The following IFT57 variants were observed in gnomAD, a reference collection of about 807,000 sequenced individuals.
IFT57 encodes the protein intraflagellar transport protein 57 homolog.
IFT57 carries 59 observed loss-of-function variants against 56.8 expected under a neutral mutation model. That is an observed-to-expected ratio of 1.04 (90% CI 0.84 to 1.29). The LOEUF (loss-of-function observed/expected upper bound fraction) is 1.29. Among genes scored for constraint, IFT57 ranks in the 50% most tolerant of loss-of-function variants. The probability of loss-of-function intolerance (pLI) is 0.00; values close to 1 mark genes in which losing one functional copy is unlikely to be tolerated. For missense variants in IFT57, 470 were observed against 522.1 expected (o/e 0.90, Z 0.97); for synonymous variants, 209 against 186.1 (o/e 1.12, Z -1.00).
At chr3:108,176,615 G>A (rs941249906) in intron 6 of IFT57, among the ~76,000 whole-genome samples, 1 of 151,814 alleles carries the variant, frequency 6.6e-6, no homozygotes, top group Non-Finnish European at 1.5e-5. Context: ...TCTGCAGACA[G>A]ACAATCCAGA....
Position 108,162,443 on chromosome 3 carries a change from C to G in IFT57, c.*34G>C, listed in dbSNP as rs762267856. 6.6e-7 allele frequency: 1 copy of G among 1,526,378 alleles called. No individual in the cohort carries two copies. The allele number at this position is 1,526,378 out of a possible 1,614,324, so 94.6% of individuals were successfully genotyped here. On this transcript the variant is annotated 3_prime_UTR_variant, in exon 11 of 11. Coordinates refer to ENST00000264538, the MANE Select transcript of IFT57 (RefSeq NM_018010.4). ...ATGAAATATAGTTTGATATAAAAAA[C>G]CCAACTAATCAGAAACATGAAAACC...
chr3:108,203,442 C>T (rs1424187748), intron 5 of IFT57, among the ~76,000 whole-genome samples: 1 of 152,176 alleles, frequency 6.6e-6, no homozygotes, highest in East Asian at 1.9e-4. Context: ...TTGGGATTAT[C>T]ATGATACTTA....
At chr3:108,195,713 C>T (rs2080240499) in intron 5 of IFT57, among the ~76,000 whole-genome samples, 1 of 151,982 alleles carries the variant, frequency 6.6e-6, no homozygotes, top group Non-Finnish European at 1.5e-5. Flanking sequence ...TGAAATATGC[C>T]AGGAACAGTA....
At chr3:108,211,095 C>A (rs1284995179) in intron 4 of IFT57, among the ~76,000 whole-genome samples, 1 of 152,192 alleles carries the variant, frequency 6.6e-6, no homozygotes, top group East Asian at 1.9e-4. Flanking sequence ...AGGCCCTGCA[C>A]AATAAGCTGG....
intron 4 of IFT57, among the ~76,000 whole-genome samples, chr3:108,209,252 TTAAG>T (rs2080330258): frequency 6.6e-6 from 1 of 152,234 alleles, no homozygotes; most frequent in Non-Finnish European, 1.5e-5. Context: ...ATCACAGTAT[TTAAG>T]TATTATTACT....
intron 4 of IFT57, among the ~76,000 whole-genome samples, chr3:108,213,634 C>T (rs1443305301): frequency 6.6e-6 from 1 of 152,156 alleles, no homozygotes; most frequent in African/African-American, 2.4e-5. Flanking sequence ...TTATTAGTCA[C>T]AGTCTATTTA....
At position 108,166,968 on chromosome 3, in the gene IFT57, G is replaced by C; in HGVS notation, c.867C>G (p.Leu289=). 1 of 1,607,116 alleles carries C rather than the reference G, an allele frequency of 6.2e-7. No homozygotes were observed. The highest frequency in any genetic ancestry group is 8.5e-7 in the Non-Finnish European group (1 of 1,176,652). ...LKETKGFLDK[L]HNEITRTLEK... is the part of the protein sequence containing the mutation. ...CCAAAGTCCTAGTAATTTCATTATGGAGTTTGTCCAAAAATCCCTAGAAAT... is the reference window on the plus strand; with the variant it reads ...CCAAAGTCCTAGTAATTTCATTATGCAGTTTGTCCAAAAATCCCTAGAAAT... The change falls in exon 8 of 11, where the codon CTC becomes CTG. Residue 289 remains leucine, a synonymous_variant. Coordinates refer to ENST00000264538, the MANE Select transcript of IFT57 (RefSeq NM_018010.4).
At chr3:108,193,396 G>A (rs1184563192) in intron 5 of IFT57, among the ~76,000 whole-genome samples, 1 of 152,084 alleles carries the variant, frequency 6.6e-6, no homozygotes, top group Non-Finnish European at 1.5e-5. Flanking sequence ...TCAGATTCAA[G>A]GGACTATATA....
rs749655691 is a variant in IFT57, at chr3:108,222,134, C to A, written c.189G>T (p.Lys63Asn). The A allele has an allele frequency of 3.1e-6, 5 of 1,610,156 alleles. No individual in the cohort carries two copies. The highest frequency in any genetic ancestry group is 4.2e-6 in the Non-Finnish European group (5 of 1,178,390). The stretch of plus-strand genomic sequence containing the variant: ...ACCTGGACGGGGCCTTCAGGTTGCT[C>A]TTCCGGAGGAACTCCTCCTCGTAGC... Reference protein sequence around the residue: ...LLRYEEEFLRKSNLKAPSRHY... With the variant: ...LLRYEEEFLRNSNLKAPSRHY... The change falls in exon 1 of 11, where the codon AAG becomes AAT. Residue 63 changes from lysine (K) to asparagine (N), a missense_variant. By Grantham distance (94) the Lys-to-Asn change is moderately conservative (BLOSUM62 0). Coordinates refer to ENST00000264538, the MANE Select transcript of IFT57 (RefSeq NM_018010.4).
chr3:108,206,649 TA>T lies in IFT57; in HGVS notation c.632del (p.Leu211Ter), dbSNP rs778868944. 4.3e-6 allele frequency: 6 copies of T among 1,399,728 alleles called. No homozygotes were observed. The highest frequency in any genetic ancestry group is 1.9e-5 in the South Asian group (1 of 51,540). 86.7% of individuals were successfully genotyped at this position (1,399,728 alleles called of 1,614,324 possible). Reference protein sequence around the residue: ...NEENFIDLNVLKAQTYHLDMN... With the variant: ...NEENFIDLNVXKAQTYHLDMN... ...TTACCAAGTGATATGTCTGGGCCTT[TA>T]AAACGTTGAGATCAATAAAGTTTTC... On this transcript the variant is annotated frameshift_variant, in exon 5 of 11. Coordinates refer to ENST00000264538, the MANE Select transcript of IFT57 (RefSeq NM_018010.4). LOFTEE classifies it high-confidence loss of function.
intron 6 of IFT57, among the ~76,000 whole-genome samples, chr3:108,176,935 TAAAATGTCTACTAAGATGAGG>T (rs1222158145): frequency 2.0e-5 from 3 of 151,818 alleles, no homozygotes. Context: ...ATAATTCCCT[TAAAATGTCTACTAAGATGAGG>T]AAATGGACAC....
chr3:108,207,321 G>A (rs1385530446), intron 4 of IFT57, among the ~76,000 whole-genome samples: 4 of 152,180 alleles, frequency 2.6e-5, no homozygotes, highest in South Asian at 2.1e-4. Flanking sequence ...GGTAGAAAGT[G>A]ACCCTTTGAG....
At chr3:108,203,024 T>C (rs1049968122) in intron 5 of IFT57, among the ~76,000 whole-genome samples, 1 of 152,212 alleles carries the variant, frequency 6.6e-6, no homozygotes, top group Non-Finnish European at 1.5e-5. Flanking sequence ...ATTAGGAAGA[T>C]GGGTCACCAG....
intron 5 of IFT57, among the ~76,000 whole-genome samples, chr3:108,192,592 A>G (rs1284564855): frequency 1.3e-5 from 2 of 152,222 alleles, no homozygotes; most frequent in East Asian, 1.9e-4. Context: ...TTTTGGTACC[A>G]ATTCTTCCCT....
At chr3:108,204,068 T>C (rs1437643129) in intron 5 of IFT57, among the ~76,000 whole-genome samples, 1 of 152,226 alleles carries the variant, frequency 6.6e-6, no homozygotes, top group South Asian at 2.1e-4. Flanking sequence ...AAATCTATGA[T>C]ACTAACCTAT....
intron 6 of IFT57, among the ~76,000 whole-genome samples, chr3:108,181,945 A>G (rs1288702531): frequency 1.3e-5 from 2 of 152,032 alleles, no homozygotes; most frequent in Admixed American, 1.3e-4. Context: ...TTATAACTGT[A>G]GTTTCTCCAT....
chr3:108,168,866 T>C lies in IFT57; in HGVS notation c.778-1002A>G, dbSNP rs115702720. ...TGCATGGTATTCCACAGTGTATATG[T>C]GCCATACTTTCTTTATTCAGTCTAT... On this transcript the variant is annotated intron_variant, in intron 6 of 10. Transcript: ENST00000264538. 7.6e-3 allele frequency among the ~76,000 whole-genome samples: 1,155 copies of C among 152,194 alleles called. 17 individuals are homozygous for C. Among genetic ancestry groups the C allele is most frequent in the African/African-American group, 0.024 (994 of 41,526 alleles).
intron 6 of IFT57, among the ~76,000 whole-genome samples, chr3:108,183,337 T>C (rs974729505): frequency 2.0e-5 from 3 of 152,140 alleles, no homozygotes; most frequent in African/African-American, 7.2e-5. Context: ...TATATAACTC[T>C]GACCCACAAT....
At chr3:108,186,315 C>T (rs1018760518) in intron 6 of IFT57, among the ~76,000 whole-genome samples, 2 of 69,864 alleles carry the variant, frequency 2.9e-5, no homozygotes, top group Non-Finnish European at 5.6e-5. Flanking sequence ...GAGACTGTGG[C>T]TATGCCAAAA....
Sources: gnomAD v4.1 joint callset for allele counts (sites outside exome capture counted in the v4.1 genomes callset) on GRCh38, gnomAD v4.1.1 for gene constraint, MANE v1.5 for transcripts, NCBI Gene and HGNC (gene_info 2026-07-23, HGNC 2026-07-21) for gene names.